Variants in OXNAD1 observed in about 807,000 individuals in gnomAD.
OXNAD1 encodes oxidoreductase NAD-binding domain-containing protein 1.
A neutral mutation model predicts 32.9 loss-of-function variants in OXNAD1; 34 were observed. The ratio of observed to expected loss-of-function variants is 1.03; its 90% confidence interval spans 0.79 to 1.38. OXNAD1 has a LOEUF of 1.38. OXNAD1 is among the 40% of genes most tolerant of loss of function. The pLI is 0.00. For missense variants in OXNAD1, 407 were observed against 379.4 expected (o/e 1.07, Z -0.60); for synonymous variants, 134 against 135.2 (o/e 0.99, Z 0.06).
chr3:16,326,558 C>A (rs1206404796), intron 9 of OXNAD1, among the ~76,000 whole-genome samples: 3 of 152,128 alleles, frequency 2.0e-5, no homozygotes, highest in Non-Finnish European at 4.4e-5. Context: ...TCACAGGGCC[C>A]CCCATGTGGG....
rs1252716143 is a variant in OXNAD1 at position 16,312,084 on chromosome 3, T to A, written c.*30+8492T>A. On this transcript the variant is annotated intron_variant, in intron 9 of 9. Transcript: ENST00000435829. The surrounding 1 kb of genome is among the most constrained non-coding windows in gnomAD (Gnocchi z 4.7). ...AGCCAGGTTCAGAGAGCCATTCATC[T>A]GCAGCCAGGGTTCATTTTCTTAGTC... is the stretch of plus-strand genomic sequence containing the variant. Among the ~76,000 whole-genome samples, 2 of 152,238 alleles carry A rather than the reference T, an allele frequency of 1.3e-5. No individual in the cohort carries two copies. The highest frequency in any genetic ancestry group is 2.9e-5 in the Non-Finnish European group (2 of 68,038).
In OXNAD1 at chr3:16,298,280, C is replaced by T. The variant is rs1343548816; in HGVS notation, c.432+3283C>T. On this transcript the variant is annotated intron_variant, in intron 6 of 8. Transcript: ENST00000285083. This position sits in a 1 kb window ranked among gnomAD's most constrained non-coding sequence, Gnocchi z 5.1. ...ACGAGGTATCTGCATGCCCCTTGCT[C>T]AGAGTTGAAATAAGCATAGCCATCC... Among the ~76,000 whole-genome samples, 1 of 152,094 alleles carries T rather than the reference C, an allele frequency of 6.6e-6. No individual in the cohort carries two copies. The highest frequency in any genetic ancestry group is 1.5e-5 in the Non-Finnish European group (1 of 68,020).
downstream of OXNAD1, among the ~76,000 whole-genome samples, chr3:16,307,493 A>G (rs572090534): frequency 6.6e-6 from 1 of 152,316 alleles, no homozygotes; most frequent in East Asian, 1.9e-4. Flanking sequence ...ATGAGTGATC[A>G]TTGAGTGGCT....
intron 1 of OXNAD1, among the ~76,000 whole-genome samples, chr3:16,267,456 C>A (rs935442993): frequency 3.3e-5 from 5 of 152,214 alleles, no homozygotes; most frequent in African/African-American, 1.2e-4. Flanking sequence ...TTCACTCTTA[C>A]CAGCTTACTG....
chr3:16,333,947 C>T (rs773628108), intron 9 of OXNAD1, among the ~76,000 whole-genome samples: 4 of 152,142 alleles, frequency 2.6e-5, no homozygotes, highest in Admixed American at 6.5e-5. Flanking sequence ...GGGTAGAGCA[C>T]GAGGTCAGGA....
rs540548201 is a variant in OXNAD1 at position 16,304,326 on chromosome 3, C to G, written c.*764C>G. The G allele has an allele frequency of 6.6e-6, 1 of 152,352 alleles. No homozygotes were observed. Among genetic ancestry groups the G allele is most frequent in the East Asian group, 1.9e-4 (1 of 5,176 alleles). The allele number at this position is 152,352 out of a possible 1,614,324, so 9.4% of individuals were successfully genotyped here. On this transcript the variant is annotated 3_prime_UTR_variant, in exon 9 of 9. Coordinates refer to ENST00000285083, the MANE Select transcript of OXNAD1 (RefSeq NM_138381.5). This position sits in a 1 kb window ranked among gnomAD's most constrained non-coding sequence, Gnocchi z 4.6. ...TGCCTTCAGTGCCTGGGCTGGCTTG[C>G]TATGGAAATGTGCTTAGCATTGATT...
In OXNAD1 at chr3:16,297,396, T is replaced by C. The variant is rs558123956; in HGVS notation, c.432+2399T>C. ...AACTCTCATATATTGCTTATATTGC[T>C]AGTGGGAATGCAAAATAGTACAGCC... On this transcript the variant is annotated intron_variant, in intron 6 of 8. Coordinates refer to ENST00000285083, the MANE Select transcript of OXNAD1 (RefSeq NM_138381.5). This position sits in a 1 kb window ranked among gnomAD's most constrained non-coding sequence, Gnocchi z 4.3. Among the ~76,000 whole-genome samples, 1 of 152,286 alleles carries C rather than the reference T, an allele frequency of 6.6e-6. No homozygotes were observed. Among genetic ancestry groups the C allele is most frequent in the African/African-American group, 2.4e-5 (1 of 41,558 alleles).
intron 9 of OXNAD1, among the ~76,000 whole-genome samples, chr3:16,332,260 G>C (rs2070392058): frequency 6.6e-6 from 1 of 151,718 alleles, no homozygotes; most frequent in South Asian, 2.1e-4. Context: ...TGTGATAAAT[G>C]TTTTAATTTT....
At chr3:16,296,500 G>A (rs193003403) in intron 6 of OXNAD1, among the ~76,000 whole-genome samples, 2,250 of 152,138 alleles carry the variant, frequency 0.015, 19 homozygotes, top group Non-Finnish European at 0.023. Context: ...GAACAAAAAA[G>A]GACCTAGGAT....
downstream of OXNAD1, among the ~76,000 whole-genome samples, chr3:16,341,370 T>C (rs2071308201): frequency 6.6e-6 from 1 of 152,254 alleles, no homozygotes; most frequent in South Asian, 2.1e-4. The surrounding 1 kb of genome is among the most constrained non-coding windows in gnomAD (Gnocchi z 4.7). Context: ...TTATAGCAGC[T>C]TTATTCATAA....
At chr3:16,333,952 T>A (rs535849086) in intron 9 of OXNAD1, among the ~76,000 whole-genome samples, 1 of 151,696 alleles carries the variant, frequency 6.6e-6, no homozygotes, top group South Asian at 2.1e-4. Context: ...GAGCACGAGG[T>A]CAGGAGATCG....
rs533658348 is a variant in OXNAD1, at chr3:16,304,812, T to C, written c.*1250T>C. The stretch of plus-strand genomic sequence containing the variant: ...AGAGAAGACAGGTTACCCTTTCTTA[T>C]CTTTGTTGTTGCAGGCCTCCCAGGG... On this transcript the variant is annotated 3_prime_UTR_variant, in exon 9 of 9. Coordinates refer to ENST00000285083, the MANE Select transcript of OXNAD1 (RefSeq NM_138381.5). This position sits in a 1 kb window ranked among gnomAD's most constrained non-coding sequence, Gnocchi z 4.6. 4.6e-5 allele frequency: 7 copies of C among 152,328 alleles called. No homozygotes were observed. In the South Asian group the frequency reaches 1.5e-3, roughly 32 times the overall value. 9.4% of individuals were successfully genotyped at this position (152,328 alleles called of 1,614,324 possible). A position where few individuals can be genotyped will look rare whatever the true frequency, so the allele number is the denominator to read the frequency against.
Position 16,345,620 on chromosome 3 carries a change from C to T in OXNAD1, c.*31-3556C>T, listed in dbSNP as rs942009045. Among the ~76,000 whole-genome samples the T allele has an allele frequency of 2.0e-5, 3 of 152,074 alleles. No homozygotes were observed. Among genetic ancestry groups the T allele is most frequent in the East Asian group, 1.9e-4 (1 of 5,182 alleles). ...ACGTCCATCTTCTGCCCTTGTTGCTCCTGGTTCTCAGGGCTTGGGACCTGG... is the reference window on the plus strand; with the variant it reads ...ACGTCCATCTTCTGCCCTTGTTGCTTCTGGTTCTCAGGGCTTGGGACCTGG... On this transcript the variant is annotated intron_variant, in intron 9 of 9. Coordinates refer to the OXNAD1 transcript ENST00000606098. The surrounding 1 kb of genome is among the most constrained non-coding windows in gnomAD (Gnocchi z 5.2).
chr3:16,279,122 C>T (rs998760437), intron 4 of OXNAD1, among the ~76,000 whole-genome samples: 2 of 152,208 alleles, frequency 1.3e-5, no homozygotes, highest in Non-Finnish European at 1.5e-5. Context: ...GATGATCCAG[C>T]CTGGGATGAG....
rs1306422899 is a variant in OXNAD1, at chr3:16,329,744, T to C, written c.*31-7368T>C. On this transcript the variant is annotated intron_variant, in intron 9 of 9. Coordinates refer to the OXNAD1 transcript ENST00000435829. The surrounding 1 kb of genome is among the most constrained non-coding windows in gnomAD (Gnocchi z 4.5). Reference sequence around the variant, plus strand: ...TTGCGAGGTTATGATTACTTGGGCCTATCAAGAATAACCTTCCCACTTTAT... The same window carrying C: ...TTGCGAGGTTATGATTACTTGGGCCCATCAAGAATAACCTTCCCACTTTAT... Among the ~76,000 whole-genome samples, 1 of 152,108 alleles carries C rather than the reference T, an allele frequency of 6.6e-6. No homozygotes were observed. The highest frequency in any genetic ancestry group is 2.4e-5 in the African/African-American group (1 of 41,410).
Position 16,316,910 on chromosome 3 carries a change from G to A in OXNAD1, c.*30+13318G>A. On this transcript the variant is annotated intron_variant, in intron 9 of 9. Transcript: ENST00000435829. The surrounding 1 kb of genome is among the most constrained non-coding windows in gnomAD (Gnocchi z 4.5). ...ATCCTCTCCAGGATTGGAGTGCCCA[G>A]TGCAAATCCCCACCAGGGCCCTGCT... 6.2e-7 allele frequency: 1 copy of A among 1,614,140 alleles called. No homozygotes were observed. The highest frequency in any genetic ancestry group is 1.7e-5 in the Admixed American group (1 of 60,016).
At chr3:16,294,191 C>T in intron 5 of OXNAD1, among the ~76,000 whole-genome samples, 1 of 151,674 alleles carries the variant, frequency 6.6e-6, no homozygotes, top group Non-Finnish European at 1.5e-5. Flanking sequence ...GCCATCTGGA[C>T]CTGAGCCTTT....
In OXNAD1 at chr3:16,321,005, G is replaced by C. The variant is rs1404061829; in HGVS notation, c.*31-16107G>C. On this transcript the variant is annotated intron_variant, in intron 9 of 9. Transcript: ENST00000435829. This position sits in a 1 kb window ranked among gnomAD's most constrained non-coding sequence, Gnocchi z 4.8. The stretch of plus-strand genomic sequence containing the variant: ...AGAATAGCTGAGGCGAGTGATGGTA[G>C]AGAGAAGTGGAGGGATTCCAGAGCC... Among the ~76,000 whole-genome samples the C allele has an allele frequency of 1.3e-5, 2 of 152,214 alleles. No individual in the cohort carries two copies. Among genetic ancestry groups the C allele is most frequent in the Non-Finnish European group, 2.9e-5 (2 of 68,046 alleles).
rs912764587 is a variant in OXNAD1, at chr3:16,287,367, G to A, written c.290+919G>A. ...ATAGCAAGAGTTAGCAGTCTTGTGT[G>A]TTAATAGTTTGCCTTTGAATTTAGA... On this transcript the variant is annotated intron_variant, in intron 5 of 8. Coordinates refer to ENST00000285083, the MANE Select transcript of OXNAD1 (RefSeq NM_138381.5). This position sits in a 1 kb window ranked among gnomAD's most constrained non-coding sequence, Gnocchi z 4.8. Among the ~76,000 whole-genome samples, 3 of 152,314 alleles carry A rather than the reference G, an allele frequency of 2.0e-5. No individual in the cohort carries two copies. The highest frequency in any genetic ancestry group is 4.8e-5 in the African/African-American group (2 of 41,574).
Sources: gnomAD v4.1 joint callset for allele counts (sites outside exome capture counted in the v4.1 genomes callset) on GRCh38, gnomAD v4.1.1 for gene constraint, Gnocchi (gnomAD v3.1) non-coding constraint, MANE v1.5 for transcripts, NCBI Gene and HGNC (gene_info 2026-07-23, HGNC 2026-07-21) for gene names.